The following PCNX2 variants were observed in gnomAD, a reference collection of about 807,000 sequenced individuals.
The protein encoded by PCNX2 is pecanex 2.
PCNX2 carries 168 observed loss-of-function variants against 223.8 expected under a neutral mutation model. The ratio of observed to expected loss-of-function variants is 0.75; its 90% CI spans 0.66 to 0.85. The LOEUF (loss-of-function observed/expected upper bound fraction) is 0.85, where lower values mean the gene tolerates loss of function less well. Ranked by LOEUF, PCNX2 falls within the 40% of genes least tolerant of loss-of-function variation. The pLI is 0.00. For synonymous variants in PCNX2, 1,006 were observed against 1,052.6 expected (o/e 0.96, Z 0.86); for missense variants, 2,507 against 2,675.5 (o/e 0.94, Z 1.39).
chr1:233,132,091 C>T (rs1676538682), intron 21 of PCNX2, among the ~76,000 whole-genome samples: 2 of 152,076 alleles, frequency 1.3e-5, no homozygotes, highest in Non-Finnish European at 1.5e-5. Flanking sequence ...CACCCGCCAC[C>T]ACGCCCGGCT....
Position 233,014,727 on chromosome 1 carries a change from G to A in PCNX2, c.4890C>T (p.Ser1630=), listed in dbSNP as rs747067569. 1.2e-6 allele frequency: 2 copies of A among 1,613,994 alleles called. No homozygotes were observed. The highest frequency in any genetic ancestry group is 3.3e-5 in the Admixed American group (2 of 60,028). ...TCCTCCCCAGGGTGCACAGGGCGAA[G>A]GACAGAGTCACCAAGGGAGAGTCCT... ...SDEDSPLVTL[S]FALCTLGRRA... The change falls in exon 28 of 34, where the codon TCC becomes TCT. Residue 1630 remains serine (S), a synonymous_variant. Transcript: ENST00000258229.
At chr1:232,986,778 T>TG (rs2102774745) in intron 32 of PCNX2, among the ~76,000 whole-genome samples, 1 of 152,198 alleles carries the variant, frequency 6.6e-6, no homozygotes, top group South Asian at 2.1e-4. Context: ...GGGCTGGGGT[T>TG]GGGGGTACAG....
At chr1:233,122,470 C>T (rs917682120) in intron 21 of PCNX2, among the ~76,000 whole-genome samples, 34 of 151,518 alleles carry the variant, frequency 2.2e-4, no homozygotes, top group African/African-American at 7.5e-4. Flanking sequence ...ATACTTAAGC[C>T]AGTTAATCAT....
At chr1:233,017,430 G>T (rs1306413558) in intron 26 of PCNX2, among the ~76,000 whole-genome samples, 1 of 147,476 alleles carries the variant, frequency 6.8e-6, no homozygotes, top group African/African-American at 2.5e-5. Flanking sequence ...CCATTCTCCT[G>T]CCTCAGCCTC....
intron 21 of PCNX2, among the ~76,000 whole-genome samples, chr1:233,120,668 G>T (rs928614947): frequency 5.3e-5 from 8 of 152,052 alleles, no homozygotes; most frequent in Non-Finnish European, 1.2e-4. Flanking sequence ...GAGTGAAAAA[G>T]ACAATCCCCA....
intron 1 of PCNX2, among the ~76,000 whole-genome samples, chr1:233,269,502 C>G (rs1660518810): frequency 6.6e-6 from 1 of 152,160 alleles, no homozygotes; most frequent in Non-Finnish European, 1.5e-5. Context: ...AAATACACCT[C>G]AGTTATGTCT....
At chr1:233,177,269 C>G (rs1273164360) in intron 17 of PCNX2, among the ~76,000 whole-genome samples, 1 of 152,224 alleles carries the variant, frequency 6.6e-6, no homozygotes, top group Non-Finnish European at 1.5e-5. Flanking sequence ...AGCATTAGGT[C>G]ATAGCCTGAT....
intron 25 of PCNX2, among the ~76,000 whole-genome samples, chr1:233,037,502 T>TTTTCTTTCTTTC (rs149916555): frequency 0.019 from 2,919 of 150,940 alleles, 38 homozygotes; most frequent in Middle Eastern, 0.038. Flanking sequence ...ACCTGATTGA[T>TTTTCTTTCTTTC]TTTCTTTCTT....
chr1:233,006,657 T>C (rs1353080029), intron 28 of PCNX2, among the ~76,000 whole-genome samples: 1 of 152,186 alleles, frequency 6.6e-6, no homozygotes, highest in Non-Finnish European at 1.5e-5. Context: ...AATGTGGGGA[T>C]AGTTTCTGCA....
At chr1:233,316,854 C>CT in the PCNX2 span, among the ~76,000 whole-genome samples, 1 of 152,172 alleles carries the variant, frequency 6.6e-6, no homozygotes, top group Non-Finnish European at 1.5e-5. Context: ...ATTATCAAAT[C>CT]TAACATACTA....
chr1:233,091,506 T>C (rs1434400449), intron 22 of PCNX2, among the ~76,000 whole-genome samples: 1 of 152,030 alleles, frequency 6.6e-6, no homozygotes, highest in African/African-American at 2.4e-5. Flanking sequence ...ATATGTAAGA[T>C]ATAAAAAAGG....
At position 233,000,234 on chromosome 1, in the gene PCNX2, C is replaced by A; in HGVS notation, c.5328+71G>T. ...TCCTGTGTCAGTGCCCCCCTGCCCA[C>A]CACCATTCTATTTCTTCTCAGATAG... On this transcript the variant is annotated intron_variant, in intron 30 of 33. Transcript: ENST00000258229. The surrounding 1 kb of genome is among the most constrained non-coding windows in gnomAD (Gnocchi z 4.6). The A allele has an allele frequency of 7.0e-7, 1 of 1,433,526 alleles. No homozygotes were observed. The highest frequency in any genetic ancestry group is 9.8e-7 in the Non-Finnish European group (1 of 1,017,066). 88.8% of individuals were successfully genotyped at this position (1,433,526 alleles called of 1,614,324 possible). A position where few individuals can be genotyped will look rare whatever the true frequency, so the allele number is the denominator to read the frequency against.
intron 1 of PCNX2, among the ~76,000 whole-genome samples, chr1:233,278,126 AGTCTACTCTTTGT>A (rs1661008538): frequency 6.6e-6 from 1 of 152,184 alleles, no homozygotes; most frequent in African/African-American, 2.4e-5. Flanking sequence ...AAACTCCCCG[AGTCTACTCTTTGT>A]GTCTACTCTT....
intron 21 of PCNX2, among the ~76,000 whole-genome samples, chr1:233,122,073 TAC>T (rs3033285): frequency 0.15 from 20,098 of 130,626 alleles, 1,397 homozygotes; most frequent in East Asian, 0.21. Flanking sequence ...AGTTAGAAAG[TAC>T]ACACACACAC....
At chr1:233,261,148 C>A in intron 4 of PCNX2, 137 bp downstream of exon 4, 12 of 756,034 alleles carry the variant, frequency 1.6e-5, no homozygotes, top group South Asian at 3.4e-5. Context: ...GTTAAAGAAA[C>A]AAAGTCAAAA....
At chr1:233,120,793 G>A (rs1242183091) in intron 21 of PCNX2, among the ~76,000 whole-genome samples, 3 of 151,868 alleles carry the variant, frequency 2.0e-5, no homozygotes, top group African/African-American at 7.3e-5. Flanking sequence ...AAATGTGAAT[G>A]GTCTAGATAC....
In PCNX2 at chr1:232,998,402, G is replaced by A. The variant is rs762057383; in HGVS notation, c.5640C>T (p.Gly1880=). ...CTCCGTCCACGTCTTCAATGTTGCC[G>A]CCACTGTGCTGGCGGGCATTGCAAT... is the stretch of plus-strand genomic sequence containing the variant. ...RKDCNARQHS[G]GNIEDVDGGG... is the part of the protein sequence containing the mutation. The change falls in exon 32 of 34, where the codon GGC becomes GGT. Residue 1880 remains glycine, a synonymous_variant. Coordinates refer to ENST00000258229, the MANE Select transcript of PCNX2 (RefSeq NM_014801.4). 1.7e-5 allele frequency: 27 copies of A among 1,612,554 alleles called. No homozygotes were observed. Among genetic ancestry groups the A allele is most frequent in the Admixed American group, 5.0e-5 (3 of 59,848 alleles).
chr1:233,021,225 A>C (rs1331563884), intron 26 of PCNX2, among the ~76,000 whole-genome samples: 2 of 152,086 alleles, frequency 1.3e-5, no homozygotes, highest in African/African-American at 4.8e-5. Flanking sequence ...TGGCAGTACC[A>C]ATGTGAATTA....
intron 8 of PCNX2, among the ~76,000 whole-genome samples, chr1:233,248,306 G>A (rs1369548300): frequency 6.6e-6 from 1 of 151,890 alleles, no homozygotes; most frequent in Non-Finnish European, 1.5e-5. Flanking sequence ...GAATCCAGCT[G>A]TGTGTGTGTA....
Sources: allele counts gnomAD v4.1 joint callset (sites outside exome capture counted in the v4.1 genomes callset), GRCh38; gene constraint gnomAD v4.1.1; non-coding constraint Gnocchi (gnomAD v3.1); transcripts MANE v1.5; gene names NCBI Gene and HGNC (gene_info 2026-07-23, HGNC 2026-07-21).